NCKAP5: variants seen among roughly 807,000 people sequenced by gnomAD.
The protein encoded by NCKAP5 is NCK associated protein 5.
NCKAP5 carries 92 observed loss-of-function variants against 167.0 expected under a neutral mutation model. That is an observed-to-expected ratio of 0.55 (90% CI 0.47 to 0.66). The LOEUF is 0.66. NCKAP5 is among the 30% of genes least tolerant of loss of function. NCKAP5 has a pLI of 0.00. For missense variants in NCKAP5, 2,378 were observed against 2,315.0 expected (o/e 1.03, Z -0.56); for synonymous variants, 891 against 877.4 (o/e 1.02, Z -0.27).
At chr2:132,934,373 G>A (rs1281823522) in intron 8 of NCKAP5, among the ~76,000 whole-genome samples, 1 of 152,196 alleles carries the variant, frequency 6.6e-6, no homozygotes, top group Non-Finnish European at 1.5e-5. Flanking sequence ...AGGAGTTTGA[G>A]ACCAGCCTGG....
chr2:133,080,616 A>G (rs189705988), intron 6 of NCKAP5, among the ~76,000 whole-genome samples: 5 of 152,266 alleles, frequency 3.3e-5, no homozygotes, highest in African/African-American at 1.2e-4. Context: ...TACAAATAAC[A>G]TTTGTCAACT....
At chr2:133,356,383 T>TGCTATCTCATATTA (rs1452169406) in intron 3 of NCKAP5, among the ~76,000 whole-genome samples, 1 of 152,222 alleles carries the variant, frequency 6.6e-6, no homozygotes, top group Non-Finnish European at 1.5e-5. Context: ...TAATATGAGA[T>TGCTATCTCATATTA]AAACATGGAT....
intron 11 of NCKAP5, among the ~76,000 whole-genome samples, chr2:132,830,214 C>T (rs898393465): frequency 6.6e-6 from 1 of 152,058 alleles, no homozygotes; most frequent in African/African-American, 2.4e-5. Flanking sequence ...AGCTCCTTTC[C>T]AATTTTCAAA....
Position 132,789,951 on chromosome 2 carries a change from C to T in NCKAP5, c.1092+72G>A, listed in dbSNP as rs796551431. 3.9e-5 allele frequency: 57 copies of T among 1,466,558 alleles called. No homozygotes were observed. In the African/African-American group the frequency reaches 7.6e-4, roughly 19 times the overall value. The allele number at this position is 1,466,558 out of a possible 1,614,324, so 90.8% of individuals were successfully genotyped here. On this transcript the variant is annotated intron_variant, in intron 13 of 19. Coordinates refer to ENST00000409261, the MANE Select transcript of NCKAP5 (RefSeq NM_207363.3). ...TTCCTTCTTACCCCTCCCACCTGCCCTTCATCTCCATGACCAAATCCTACC... is the reference window on the plus strand; with the variant it reads ...TTCCTTCTTACCCCTCCCACCTGCCTTTCATCTCCATGACCAAATCCTACC...
rs1222431518 is a variant in NCKAP5 at position 133,463,233 on chromosome 2, T to C, written c.69+54225A>G. On this transcript the variant is annotated intron_variant, in intron 3 of 19. Transcript: ENST00000409261. ...ATGAGCATACGCCACATTTTTTAGA[T>C]ACAAATCAGGTTTTAACTTTGCTAA... Among the ~76,000 whole-genome samples the C allele has an allele frequency of 2.6e-5, 4 of 152,252 alleles. No individual in the cohort carries two copies. In the South Asian group the frequency reaches 6.2e-4, roughly 24 times the overall value.
the NCKAP5 span, among the ~76,000 whole-genome samples, chr2:133,607,524 T>C: frequency 6.6e-6 from 1 of 152,136 alleles, no homozygotes; most frequent in African/African-American, 2.4e-5. Context: ...GAGACAACAC[T>C]GGATTAAGAT....
At chr2:133,584,937 A>AGGAAGAAG in the NCKAP5 span, among the ~76,000 whole-genome samples, 1 of 103,114 alleles carries the variant, frequency 9.7e-6, no homozygotes, top group Non-Finnish European at 2.1e-5. Context: ...GCCAAAAAAA[A>AGGAAGAAG]GAAAGAAGGA....
the NCKAP5 span, among the ~76,000 whole-genome samples, chr2:133,575,133 A>G: frequency 6.6e-5 from 10 of 152,298 alleles, no homozygotes; most frequent in African/African-American, 2.4e-4. Context: ...TGTCCAAGAA[A>G]CCACAGTATT....
chr2:133,266,673 G>A (rs2089244567), intron 4 of NCKAP5, among the ~76,000 whole-genome samples: 1 of 152,126 alleles, frequency 6.6e-6, no homozygotes, highest in South Asian at 2.1e-4. Context: ...AGGCAGCCTG[G>A]GCCACGCGCT....
At chr2:133,061,078 AAAC>A (rs71398583) in intron 6 of NCKAP5, among the ~76,000 whole-genome samples, 61,657 of 151,302 alleles carry the variant, frequency 0.41, 13,987 homozygotes, top group East Asian at 0.94. Context: ...AAAAAAAACA[AAAC>A]AACAACAACA....
At chr2:133,476,387 G>T (rs897090479) in intron 3 of NCKAP5, among the ~76,000 whole-genome samples, 7 of 152,182 alleles carry the variant, frequency 4.6e-5, no homozygotes, top group African/African-American at 7.2e-5. Flanking sequence ...ACCTGTAAGG[G>T]TTTTCATTAA....
chr2:133,001,233 T>C (rs1263531833), intron 6 of NCKAP5, among the ~76,000 whole-genome samples: 3 of 151,238 alleles, frequency 2.0e-5, no homozygotes, highest in African/African-American at 7.3e-5. Flanking sequence ...TTTTTTTTTT[T>C]TGAGACAGGG....
At chr2:133,070,489 A>G (rs897388045) in intron 6 of NCKAP5, among the ~76,000 whole-genome samples, 1 of 152,046 alleles carries the variant, frequency 6.6e-6, no homozygotes, top group Non-Finnish European at 1.5e-5. Context: ...TATCTCTAGG[A>G]TATCTAAGGA....
intron 9 of NCKAP5, among the ~76,000 whole-genome samples, chr2:132,878,589 G>A (rs1323334585): frequency 6.7e-6 from 1 of 150,170 alleles, no homozygotes; most frequent in Non-Finnish European, 1.5e-5. Flanking sequence ...CCTGGATAAG[G>A]AATTAGGGAG....
chr2:133,005,354 T>G (rs1436040426), intron 6 of NCKAP5, among the ~76,000 whole-genome samples: 8 of 152,226 alleles, frequency 5.3e-5, no homozygotes, highest in Non-Finnish European at 5.9e-5. Context: ...TTCTTCTGCC[T>G]CTGCTTCAGC....
chr2:133,303,093 A>G lies in NCKAP5; in HGVS notation c.87T>C (p.Asn29=). ...DSSLVEYMDS[N]KYIEHLLTQL... ...GAGTCAGCAGATGCTCAATGTATTT[A>G]TTGGAGTCCATGTATTCCTGCACAA... Residue 29 remains asparagine (N), a synonymous_variant, in exon 4 of 20, where the codon AAT becomes AAC. Transcript: ENST00000409261. 6.3e-7 allele frequency: 1 copy of G among 1,589,686 alleles called. No individual in the cohort carries two copies. Among genetic ancestry groups the G allele is most frequent in the Non-Finnish European group, 8.6e-7 (1 of 1,167,110 alleles).
At chr2:132,724,292 AT>A (rs1690230863) in intron 19 of NCKAP5, among the ~76,000 whole-genome samples, 1 of 151,950 alleles carries the variant, frequency 6.6e-6, no homozygotes, top group African/African-American at 2.4e-5. Flanking sequence ...AACTATATAC[AT>A]TTACTTGTTT....
At chr2:133,500,352 C>T (rs1354680661) in intron 3 of NCKAP5, among the ~76,000 whole-genome samples, 1 of 152,164 alleles carries the variant, frequency 6.6e-6, no homozygotes, top group African/African-American at 2.4e-5. Flanking sequence ...TTTTGACAAA[C>T]TTTACCTTCT....
intron 11 of NCKAP5, among the ~76,000 whole-genome samples, chr2:132,807,701 C>T (rs1685544164): frequency 1.3e-5 from 2 of 152,006 alleles, no homozygotes; most frequent in Non-Finnish European, 2.9e-5. Context: ...TATTGTCAGC[C>T]AACAGTGACA....
Sources: allele counts gnomAD v4.1 joint callset (sites outside exome capture counted in the v4.1 genomes callset), GRCh38; gene constraint gnomAD v4.1.1; transcripts MANE v1.5; gene names NCBI Gene and HGNC (gene_info 2026-07-23, HGNC 2026-07-21).